The following TYR variants were observed in gnomAD, a reference collection of about 807,000 sequenced individuals.
The protein encoded by TYR is tyrosinase, also known as LB24-AB.
Under a neutral mutation model 51.5 loss-of-function variants are expected in TYR, and 58 were observed. The observed-to-expected ratio is 1.13, with a 90% CI of 0.91 to 1.40. TYR has a LOEUF of 1.40. Among genes scored for constraint, TYR ranks in the 40% most tolerant of loss-of-function variants. The probability of loss-of-function intolerance (pLI) is 0.00; values close to 1 mark genes in which losing one functional copy is unlikely to be tolerated. For missense variants in TYR, 732 were observed against 647.4 expected, an observed-to-expected ratio of 1.13 and a Z score of -1.42; for synonymous variants, 263 against 235.2, an observed-to-expected ratio of 1.12 and a Z score of -1.08.
chr11:89,217,610 G>C (rs538329962), intron 2 of TYR, among the ~76,000 whole-genome samples: 1 of 152,288 alleles, frequency 6.6e-6, no homozygotes, highest in African/African-American at 2.4e-5. Context: ...AGGGAAAGTG[G>C]TTTTTTGAAC....
chr11:89,222,904 AC>A (rs1333163437), intron 2 of TYR, among the ~76,000 whole-genome samples: 32 of 152,318 alleles, frequency 2.1e-4, no homozygotes, highest in African/African-American at 7.7e-4. Context: ...ACATGTCTCT[AC>A]TGGCTCAGTA....
intron 3 of TYR, among the ~76,000 whole-genome samples, chr11:89,231,765 C>T (rs1212068114): frequency 7.1e-6 from 1 of 141,710 alleles, no homozygotes; most frequent in Non-Finnish European, 1.5e-5. Flanking sequence ...GGGTGGATTG[C>T]CTGAGCTCAG....
intron 3 of TYR, among the ~76,000 whole-genome samples, chr11:89,250,823 A>C (rs183083974): frequency 5.3e-5 from 8 of 152,078 alleles, no homozygotes; most frequent in African/African-American, 1.7e-4. Flanking sequence ...TTAGGACTTC[A>C]ACATACAAAT....
chr11:89,189,194 T>C (rs914316660), intron 1 of TYR, among the ~76,000 whole-genome samples: 6 of 152,102 alleles, frequency 3.9e-5, no homozygotes, highest in African/African-American at 1.4e-4. Flanking sequence ...TTATTTGCCA[T>C]ATAACCTGAG....
chr11:89,258,378 T>C (rs2135305106), intron 3 of TYR, among the ~76,000 whole-genome samples: 1 of 151,896 alleles, frequency 6.6e-6, no homozygotes, highest in South Asian at 2.1e-4. Flanking sequence ...GTAACAACTT[T>C]TCCTCAAAGG....
At chr11:89,224,076 G>A (rs555874040) in intron 2 of TYR, among the ~76,000 whole-genome samples, 2 of 152,168 alleles carry the variant, frequency 1.3e-5, no homozygotes, top group African/African-American at 4.8e-5. Flanking sequence ...ATGAGAGCAG[G>A]CAGCAGGCAG....
intron 2 of TYR, among the ~76,000 whole-genome samples, chr11:89,199,171 T>G (rs905380878): frequency 3.3e-5 from 5 of 152,170 alleles, no homozygotes; most frequent in African/African-American, 1.2e-4. Flanking sequence ...TGTTGTACAT[T>G]TGGGTTGGTT....
At chr11:89,212,017 C>A (rs55704848) in intron 2 of TYR, among the ~76,000 whole-genome samples, 3,700 of 152,162 alleles carry the variant, frequency 0.024, 154 homozygotes, top group African/African-American at 0.085. Context: ...AATTGACACC[C>A]TGACATCACA....
At chr11:89,190,599 C>T (rs1256109018) in intron 1 of TYR, among the ~76,000 whole-genome samples, 2 of 151,866 alleles carry the variant, frequency 1.3e-5, no homozygotes, top group Admixed American at 1.3e-4. Context: ...GTGAATTTAT[C>T]ATTAAAAAAG....
At chr11:89,226,402 T>A (rs1943977445) in intron 2 of TYR, among the ~76,000 whole-genome samples, 2 of 152,158 alleles carry the variant, frequency 1.3e-5, no homozygotes, top group Admixed American at 1.3e-4. Context: ...GAAAAATTTC[T>A]ACACAGATTA....
rs557255040 is a variant in TYR, at chr11:89,232,444, G to C, written c.1184+4474G>C. ...CATAATCTGAAGTAAATTAACACAG[G>C]AACAGAAAACCAAGCACTGCATGTT... On this transcript the variant is annotated intron_variant, in intron 3 of 4. Coordinates refer to ENST00000263321, the MANE Select transcript of TYR (RefSeq NM_000372.5). Among the ~76,000 whole-genome samples the C allele has an allele frequency of 2.8e-5, 4 of 143,384 alleles. No individual in the cohort carries two copies. The South Asian group carries it at 9.2e-4, about 33-fold the overall frequency. The allele number at this position is 143,384 out of a possible 152,430, so 94.1% of individuals were successfully genotyped here.
intron 3 of TYR, chr11:89,283,946 T>C (rs1329747478): frequency 6.6e-6 from 1 of 151,724 alleles, no homozygotes; most frequent in Non-Finnish European, 1.5e-5. Context: ...GGTTCAGAAA[T>C]AGGTGAGAAT....
chr11:89,204,386 G>A (rs1943642611), intron 2 of TYR, among the ~76,000 whole-genome samples: 2 of 147,834 alleles, frequency 1.4e-5, no homozygotes, highest in African/African-American at 5.2e-5. Flanking sequence ...GAGAAAGCCA[G>A]GAGATTATAC....
chr11:89,197,596 T>C (rs1424468490), intron 2 of TYR, among the ~76,000 whole-genome samples: 1 of 152,062 alleles, frequency 6.6e-6, no homozygotes, highest in Admixed American at 6.6e-5. Context: ...TCAAAAGATA[T>C]GATGTTAGTG....
chr11:89,215,554 G>A (rs1057094690), intron 2 of TYR, among the ~76,000 whole-genome samples: 1 of 151,940 alleles, frequency 6.6e-6, no homozygotes, highest in South Asian at 2.1e-4. Flanking sequence ...TTATTGCTTT[G>A]GCAAAGAATA....
intron 2 of TYR, among the ~76,000 whole-genome samples, chr11:89,219,039 C>A (rs1032748970): frequency 6.6e-6 from 1 of 152,142 alleles, no homozygotes; most frequent in Admixed American, 6.5e-5. Flanking sequence ...ACCTCATATG[C>A]TATTGTGAAG....
rs562803469 is a variant in TYR at position 89,242,137 on chromosome 11, G to C, written c.1184+14167G>C. ...ATGTTATTATTTCAGAGAAAGATGA[G>C]TGTCCAGGATAAAATTTCAGAAGGG... On this transcript the variant is annotated intron_variant, in intron 3 of 4. Coordinates refer to ENST00000263321, the MANE Select transcript of TYR (RefSeq NM_000372.5). Among the ~76,000 whole-genome samples, 8 of 152,194 alleles carry C rather than the reference G, an allele frequency of 5.3e-5. No individual in the cohort carries two copies. In the South Asian group the frequency reaches 1.7e-3, roughly 32 times the overall value.
chr11:89,291,971 C>G (rs1274101268), intron 4 of TYR, among the ~76,000 whole-genome samples: 1 of 151,996 alleles, frequency 6.6e-6, no homozygotes, highest in Non-Finnish European at 1.5e-5. Context: ...ATATTATTTA[C>G]AGTTCAACCA....
intron 3 of TYR, among the ~76,000 whole-genome samples, chr11:89,266,500 G>A (rs188419767): frequency 6.6e-6 from 1 of 151,668 alleles, no homozygotes; most frequent in African/African-American, 2.4e-5. Flanking sequence ...ATATGTATTG[G>A]TCCCCTGCCT....
Sources: gnomAD v4.1 joint callset for allele counts (sites outside exome capture counted in the v4.1 genomes callset) on GRCh38, gnomAD v4.1.1 for gene constraint, MANE v1.5 for transcripts, NCBI Gene and HGNC (gene_info 2026-07-23, HGNC 2026-07-21) for gene names.